The following SLC39A11 variants were observed in gnomAD, a reference collection of about 807,000 sequenced individuals.
SLC39A11 encodes solute carrier family 39 member 11, also known as zinc transporter ZIP11.
A neutral mutation model predicts 36.1 loss-of-function variants in SLC39A11; 33 were observed. The observed-to-expected ratio is 0.91, with a 90% CI of 0.69 to 1.22. The LOEUF (loss-of-function observed/expected upper bound fraction) is 1.22. Ranked by LOEUF, SLC39A11 falls within the 50% of genes most tolerant of loss-of-function variation. The pLI is 0.00. For synonymous variants in SLC39A11, 166 were observed against 170.3 expected (o/e 0.97, Z 0.20); for missense variants, 432 against 430.3 (o/e 1.00, Z -0.03).
chr17:73,042,290 T>C (rs1017000585), intron 3 of SLC39A11, among the ~76,000 whole-genome samples: 1 of 152,196 alleles, frequency 6.6e-6, no homozygotes, highest in Non-Finnish European at 1.5e-5. Context: ...TCACTTACAA[T>C]GCACTGAATG....
At chr17:72,650,640 G>A (rs1434464963) in intron 7 of SLC39A11, among the ~76,000 whole-genome samples, 1 of 152,240 alleles carries the variant, frequency 6.6e-6, no homozygotes, top group East Asian at 1.9e-4. Context: ...GGCGTGAGAA[G>A]AGGGTGCCAC....
At chr17:72,696,676 AG>A (rs1389323878) in intron 7 of SLC39A11, among the ~76,000 whole-genome samples, 4 of 152,186 alleles carry the variant, frequency 2.6e-5, no homozygotes, top group Non-Finnish European at 5.9e-5. Flanking sequence ...ACACCCCACC[AG>A]GGAACTTCCA....
chr17:72,894,460 G>C (rs949341346), intron 5 of SLC39A11, among the ~76,000 whole-genome samples: 6 of 145,928 alleles, frequency 4.1e-5, no homozygotes, highest in African/African-American at 1.5e-4. Flanking sequence ...ACGAGGTCAG[G>C]AGACCATCCT....
At chr17:72,652,388 T>C (rs537367499) in intron 7 of SLC39A11, among the ~76,000 whole-genome samples, 111 of 152,380 alleles carry the variant, frequency 7.3e-4, no homozygotes, top group African/African-American at 2.6e-3. Flanking sequence ...CTGTGCTTTG[T>C]TAGCTGTGCT....
intron 7 of SLC39A11, among the ~76,000 whole-genome samples, chr17:72,712,231 A>G (rs1306000144): frequency 6.6e-6 from 1 of 152,216 alleles, no homozygotes; most frequent in East Asian, 1.9e-4. Flanking sequence ...GGCTCCAAAG[A>G]CATGTGACAT....
intron 4 of SLC39A11, among the ~76,000 whole-genome samples, chr17:72,962,960 C>T (rs2086710619): frequency 6.6e-6 from 1 of 152,150 alleles, no homozygotes; most frequent in African/African-American, 2.4e-5. Context: ...TTCTCTCTCA[C>T]TTCAAGTCTC....
At chr17:73,074,595 C>G (rs1039718765) in intron 3 of SLC39A11, among the ~76,000 whole-genome samples, 1 of 152,134 alleles carries the variant, frequency 6.6e-6, no homozygotes, top group Non-Finnish European at 1.5e-5. Flanking sequence ...CCGTACCCAG[C>G]CATGCTACAA....
At chr17:72,752,650 C>T (rs2075199807) in intron 6 of SLC39A11, among the ~76,000 whole-genome samples, 1 of 152,220 alleles carries the variant, frequency 6.6e-6, no homozygotes, top group African/African-American at 2.4e-5. Context: ...GCCTTGGCCT[C>T]CCAAAGTGCT....
intron 7 of SLC39A11, among the ~76,000 whole-genome samples, chr17:72,671,532 C>T (rs1182321670): frequency 1.3e-5 from 2 of 152,064 alleles, no homozygotes; most frequent in Non-Finnish European, 2.9e-5. Context: ...ACCAGCCTGG[C>T]CAAAACAGTG....
chr17:72,837,597 T>C lies in SLC39A11; in HGVS notation c.601+12037A>G, dbSNP rs528365481. Among the ~76,000 whole-genome samples the C allele has an allele frequency of 4.6e-5, 7 of 152,226 alleles. No individual in the cohort carries two copies. The South Asian group carries it at 1.0e-3, about 23-fold the overall frequency. ...GTCCATACAAAGACATAAACACACA[T>C]AGCAGCATTACTTACAACACCCAAA... On this transcript the variant is annotated intron_variant, in intron 6 of 9. Coordinates refer to ENST00000255559, the MANE Select transcript of SLC39A11 (RefSeq NM_139177.4).
At chr17:73,040,156 G>A (rs1032462074) in intron 3 of SLC39A11, among the ~76,000 whole-genome samples, 2 of 152,152 alleles carry the variant, frequency 1.3e-5, no homozygotes, top group Admixed American at 6.5e-5. Flanking sequence ...CTAATGAACA[G>A]GGCTAATAAT....
chr17:73,057,774 C>A (rs942029042), intron 3 of SLC39A11, among the ~76,000 whole-genome samples: 2 of 152,010 alleles, frequency 1.3e-5, no homozygotes, highest in African/African-American at 4.8e-5. Context: ...CCTGTCTCTA[C>A]AAAAATACGA....
intron 5 of SLC39A11, among the ~76,000 whole-genome samples, chr17:72,882,059 G>A (rs748839884): frequency 1.6e-4 from 24 of 152,104 alleles, no homozygotes; most frequent in Non-Finnish European, 3.4e-4. Context: ...TAAAACAGAT[G>A]CTCTTTCGGC....
chr17:72,923,045 A>G lies in SLC39A11; in HGVS notation c.430+24707T>C, dbSNP rs116864049. Reference sequence around the variant, plus strand: ...CACACTCTCCCCAATTTTGCTTTGTATGGTGATTTGGGTGTGATTTTATCT... The same window carrying G: ...CACACTCTCCCCAATTTTGCTTTGTGTGGTGATTTGGGTGTGATTTTATCT... On this transcript the variant is annotated intron_variant, in intron 5 of 9. Coordinates refer to ENST00000255559, the MANE Select transcript of SLC39A11 (RefSeq NM_139177.4). Among the ~76,000 whole-genome samples, 294 of 146,082 alleles carry G rather than the reference A, an allele frequency of 2.0e-3. 5 individuals carry two copies. In the East Asian group the frequency reaches 0.037, roughly 18 times the overall value.
At chr17:72,836,981 C>T (rs899599562) in intron 6 of SLC39A11, among the ~76,000 whole-genome samples, 4 of 152,130 alleles carry the variant, frequency 2.6e-5, no homozygotes. Context: ...TCAGTCTTTA[C>T]CCCAGGAAAA....
intron 5 of SLC39A11, among the ~76,000 whole-genome samples, chr17:72,858,592 T>C (rs891812219): frequency 1.3e-5 from 2 of 152,262 alleles, no homozygotes; most frequent in Non-Finnish European, 2.9e-5. Context: ...ATACTATCGA[T>C]TCTTCCTATC....
intron 3 of SLC39A11, among the ~76,000 whole-genome samples, chr17:73,050,063 G>A (rs2059441722): frequency 1.3e-5 from 2 of 152,178 alleles, no homozygotes; most frequent in Non-Finnish European, 2.9e-5. Flanking sequence ...AGAGGTTGCA[G>A]TGAGCTGAGA....
intron 6 of SLC39A11, among the ~76,000 whole-genome samples, chr17:72,786,528 A>G (rs952745530): frequency 1.4e-4 from 21 of 152,156 alleles, no homozygotes; most frequent in East Asian, 1.9e-4. Context: ...CATGCCCCCA[A>G]ATGTTCAGCT....
chr17:72,661,482 G>A (rs2070416551), intron 7 of SLC39A11, among the ~76,000 whole-genome samples: 1 of 152,200 alleles, frequency 6.6e-6, no homozygotes, highest in Admixed American at 6.5e-5. Flanking sequence ...GCTTCACCCC[G>A]GCTTTCAGAT....
Sources: gnomAD v4.1 joint callset for allele counts (sites outside exome capture counted in the v4.1 genomes callset) on GRCh38, gnomAD v4.1.1 for gene constraint, MANE v1.5 for transcripts, NCBI Gene and HGNC (gene_info 2026-07-23, HGNC 2026-07-21) for gene names.